The following ANO2 variants were observed in gnomAD, a reference collection of about 807,000 sequenced individuals.
ANO2 encodes anoctamin 2.
Under a neutral mutation model 124.2 loss-of-function variants are expected in ANO2, and 101 were observed. The observed-to-expected ratio is 0.81, with a 90% CI of 0.69 to 0.96. ANO2 has a LOEUF of 0.96. Ranked by LOEUF, ANO2 falls within the 40% of genes least tolerant of loss-of-function variation. ANO2 has a pLI of 0.00. For synonymous variants in ANO2, 486 were observed against 482.5 expected, an observed-to-expected ratio of 1.01 and a Z score of -0.09; for missense variants, 1,293 against 1,274.5, an observed-to-expected ratio of 1.01 and a Z score of -0.22.
chr12:5,878,847 C>T (rs1938290662), intron 3 of ANO2, among the ~76,000 whole-genome samples: 2 of 152,182 alleles, frequency 1.3e-5, no homozygotes, highest in African/African-American at 2.4e-5. Context: ...TCCAGTAGTA[C>T]CTTCACTGAG....
intron 14 of ANO2, among the ~76,000 whole-genome samples, chr12:5,723,484 C>T (rs191093389): frequency 1.8e-3 from 268 of 152,184 alleles, no homozygotes; most frequent in Admixed American, 2.7e-3. Flanking sequence ...CATTTCCTTG[C>T]TACATCCATT....
intron 14 of ANO2, among the ~76,000 whole-genome samples, chr12:5,659,170 C>A (rs1013621216): frequency 6.6e-6 from 1 of 152,114 alleles, no homozygotes; most frequent in African/African-American, 2.4e-5. Context: ...CCTACTATAG[C>A]AGCAGAGGTT....
chr12:5,873,142 G>A, intron 3 of ANO2, among the ~76,000 whole-genome samples: 1 of 150,836 alleles, frequency 6.6e-6, no homozygotes, highest in Non-Finnish European at 1.5e-5. Context: ...AGTGAGGGCT[G>A]AGCAGTTTAT....
chr12:5,637,148 A>G (rs371491985), intron 15 of ANO2, among the ~76,000 whole-genome samples: 16 of 152,234 alleles, frequency 1.1e-4, no homozygotes, highest in African/African-American at 3.9e-4. Flanking sequence ...GAAAACCTGG[A>G]CATGACATCA....
intron 1 of ANO2, among the ~76,000 whole-genome samples, chr12:5,928,271 G>A (rs933068998): frequency 6.6e-6 from 1 of 152,156 alleles, no homozygotes; most frequent in East Asian, 1.9e-4. Context: ...GAAGGGCCCT[G>A]AAATGAGGGG....
At chr12:5,723,089 T>TA (rs1950298990) in intron 14 of ANO2, among the ~76,000 whole-genome samples, 1 of 152,244 alleles carries the variant, frequency 6.6e-6, no homozygotes, top group Non-Finnish European at 1.5e-5. Flanking sequence ...TGAAATTCCT[T>TA]ACGGCATTTT....
intron 3 of ANO2, among the ~76,000 whole-genome samples, chr12:5,874,697 C>T (rs1363764458): frequency 6.6e-6 from 1 of 152,178 alleles, no homozygotes; most frequent in African/African-American, 2.4e-5. Flanking sequence ...CAAAGCTCCC[C>T]CCAGCCAGAT....
At chr12:5,785,603 T>C (rs959995532) in intron 10 of ANO2, among the ~76,000 whole-genome samples, 1 of 152,050 alleles carries the variant, frequency 6.6e-6, no homozygotes, top group Non-Finnish European at 1.5e-5. Context: ...AGAGCAAATC[T>C]TGAAGGCAGT....
At chr12:5,697,524 T>G (rs1213657983) in intron 14 of ANO2, among the ~76,000 whole-genome samples, 1 of 152,138 alleles carries the variant, frequency 6.6e-6, no homozygotes. Context: ...GCTCCCAGCA[T>G]GAGCGATGCA....
intron 9 of ANO2, among the ~76,000 whole-genome samples, chr12:5,803,166 G>C (rs866053310): frequency 6.6e-6 from 1 of 152,096 alleles, no homozygotes; most frequent in Non-Finnish European, 1.5e-5. Context: ...CAAGGGACGG[G>C]GCATCCTGAA....
chr12:5,722,600 G>A (rs1197981961), intron 14 of ANO2, among the ~76,000 whole-genome samples: 6 of 152,218 alleles, frequency 3.9e-5, no homozygotes, highest in Non-Finnish European at 8.8e-5. Flanking sequence ...AAGCATTGCT[G>A]GGCTTCCCTA....
intron 20 of ANO2, among the ~76,000 whole-genome samples, chr12:5,583,386 G>C (rs531877480): frequency 6.6e-6 from 1 of 152,264 alleles, no homozygotes; most frequent in African/African-American, 2.4e-5. Context: ...GGGCGCGGTG[G>C]CTCACGCCTG....
At chr12:5,891,090 G>A (rs918142949) in intron 3 of ANO2, among the ~76,000 whole-genome samples, 10 of 151,608 alleles carry the variant, frequency 6.6e-5, no homozygotes, top group African/African-American at 1.7e-4. Flanking sequence ...CTTCAGACAC[G>A]TTCTCCTTCT....
At chr12:5,598,602 T>C (rs1430397853) in intron 20 of ANO2, among the ~76,000 whole-genome samples, 1 of 152,210 alleles carries the variant, frequency 6.6e-6, no homozygotes, top group East Asian at 1.9e-4. Flanking sequence ...GTGATCCACC[T>C]GCCTCTGCTT....
At chr12:5,715,871 T>C (rs1214976287) in intron 14 of ANO2, among the ~76,000 whole-genome samples, 2 of 152,146 alleles carry the variant, frequency 1.3e-5, no homozygotes, top group African/African-American at 2.4e-5. Flanking sequence ...GAGAAAAACA[T>C]AAGCACAAGT....
intron 14 of ANO2, among the ~76,000 whole-genome samples, chr12:5,666,601 T>A (rs1947731924): frequency 6.6e-6 from 1 of 152,228 alleles, no homozygotes; most frequent in Non-Finnish European, 1.5e-5. Context: ...AATTTTACCT[T>A]GAAAAAATAA....
intron 3 of ANO2, among the ~76,000 whole-genome samples, chr12:5,917,680 G>C (rs1941464057): frequency 6.7e-6 from 1 of 148,570 alleles, no homozygotes; most frequent in Non-Finnish European, 1.5e-5. Context: ...CAATCCTCCT[G>C]CCTCAGCCTC....
At chr12:5,926,457 C>T (rs926376058) in intron 1 of ANO2, among the ~76,000 whole-genome samples, 1 of 152,250 alleles carries the variant, frequency 6.6e-6, no homozygotes, top group Non-Finnish European at 1.5e-5. Flanking sequence ...CATTCTGCCC[C>T]GCCAGTCTCC....
chr12:5,876,313 A>G (rs1938098790), intron 3 of ANO2, among the ~76,000 whole-genome samples: 1 of 152,180 alleles, frequency 6.6e-6, no homozygotes, highest in African/African-American at 2.4e-5. Context: ...TGCTCTTAGA[A>G]CCGCATCATA....
Sources: gnomAD v4.1 joint callset for allele counts (sites outside exome capture counted in the v4.1 genomes callset) on GRCh38, gnomAD v4.1.1 for gene constraint, MANE v1.5 for transcripts, NCBI Gene and HGNC (gene_info 2026-07-23, HGNC 2026-07-21) for gene names.